Variants in RELN observed in about 807,000 individuals in gnomAD.
RELN encodes reelin.
Under a neutral mutation model 427.6 loss-of-function variants are expected in RELN, and 108 were observed. The ratio of observed to expected loss-of-function variants is 0.25; its 90% CI spans 0.22 to 0.30. RELN has a LOEUF of 0.30. Among genes scored for constraint, RELN ranks in the 10% least tolerant of loss-of-function variants. The probability of loss-of-function intolerance (pLI) is 1.00; values close to 1 mark genes in which losing one functional copy is unlikely to be tolerated. For missense variants in RELN, 3,715 were observed against 4,302.8 expected, an observed-to-expected ratio of 0.86 and a Z score of 3.82; for synonymous variants, 1,524 against 1,513.4, an observed-to-expected ratio of 1.01 and a Z score of -0.16.
chr7:103,550,771 C>T lies in RELN; in HGVS notation c.6302+296G>A, dbSNP rs1369736609. Among the ~76,000 whole-genome samples the T allele has an allele frequency of 5.3e-5, 8 of 152,060 alleles. 1 individual carries two copies. The highest frequency in any genetic ancestry group is 2.6e-4 in the Admixed American group (4 of 15,246). ...GTCAGGTGGGAGTAGGCAGGAGGAA[C>T]GCGTGGAAAACCTTATTTTTGTTGT... On this transcript the variant is annotated intron_variant, in intron 41 of 64. Transcript: ENST00000428762.
chr7:103,474,577 A>G (rs1827966331), intron 64 of RELN, among the ~76,000 whole-genome samples: 1 of 152,208 alleles, frequency 6.6e-6, no homozygotes, highest in African/African-American at 2.4e-5. Context: ...AGCTGCTATA[A>G]GTACTAACTG....
chr7:103,586,460 T>C (rs2711870), intron 28 of RELN, among the ~76,000 whole-genome samples: 113,087 of 152,118 alleles, frequency 0.74, 42,359 homozygotes, highest in African/African-American at 0.83. Flanking sequence ...AATCATTCCT[T>C]CCAAGAACTG....
chr7:103,863,524 CTCACATCAGTTTTCTTAACCACATCT>C (rs1310358225), intron 2 of RELN, among the ~76,000 whole-genome samples: 9 of 152,072 alleles, frequency 5.9e-5, no homozygotes, highest in East Asian at 1.9e-4. Flanking sequence ...TTTAAACAGC[CTCACATCAGTTTTCTTAACCACATCT>C]TCACATCAGT....
chr7:103,851,317 G>C (rs973698940), intron 2 of RELN, among the ~76,000 whole-genome samples: 3 of 152,112 alleles, frequency 2.0e-5, no homozygotes, highest in Admixed American at 1.3e-4. Context: ...TGATACAATG[G>C]ACTTTGGGGA....
At position 103,611,784 on chromosome 7, in the gene RELN, G is replaced by A. The variant is rs767519770; in HGVS notation, c.2722C>T (p.Leu908Phe). The change falls in exon 21 of 65, where the codon CTT becomes TTT. Residue 908 changes from leucine to phenylalanine, a missense_variant. Around this residue, in one of 4 missense-constraint regions of RELN, gnomAD observed 2,208 missense variants for 2,361.7 expected, o/e 0.93. Transcript: ENST00000428762. ...TCCACATAGCGCATACTTGAGGCAA[G>A]TTTAGAATCTCCTGTAAAACTGAAA... is the stretch of plus-strand genomic sequence containing the variant. Reference protein sequence around the residue: ...WTLCFTGDSKLASSMRYVETQ... With the variant: ...WTLCFTGDSKFASSMRYVETQ... The A allele has an allele frequency of 2.5e-6, 4 of 1,613,486 alleles. No individual in the cohort carries two copies. The highest frequency in any genetic ancestry group is 3.3e-5 in the Admixed American group (2 of 59,980).
At chr7:103,976,819 G>A (rs1206205417) in intron 1 of RELN, among the ~76,000 whole-genome samples, 6 of 152,254 alleles carry the variant, frequency 3.9e-5, no homozygotes, top group South Asian at 2.1e-4. Flanking sequence ...CAATCAAGAG[G>A]TCGGGCAAAT....
intron 27 of RELN, 95 bp downstream of exon 27, chr7:103,593,587 T>A (rs1454949484): frequency 3.8e-6 from 4 of 1,065,444 alleles, no homozygotes; most frequent in South Asian, 1.3e-5. Flanking sequence ...TTTAATAGAA[T>A]ATGAAAAATT....
At chr7:103,982,071 C>T (rs568485370) in intron 1 of RELN, among the ~76,000 whole-genome samples, 2 of 152,204 alleles carry the variant, frequency 1.3e-5, no homozygotes, top group East Asian at 3.9e-4. Flanking sequence ...AAGGCTGCGG[C>T]ACGAGAATCG....
At chr7:103,826,730 A>T (rs923095080) in intron 3 of RELN, among the ~76,000 whole-genome samples, 1 of 152,096 alleles carries the variant, frequency 6.6e-6, no homozygotes, top group Non-Finnish European at 1.5e-5. Context: ...ATTTTAAAAA[A>T]TTTCTACTAG....
intron 2 of RELN, among the ~76,000 whole-genome samples, chr7:103,839,413 A>G (rs1041219416): frequency 6.6e-6 from 1 of 151,156 alleles, no homozygotes; most frequent in African/African-American, 2.4e-5. Context: ...TGCAACTATT[A>G]GAAATCCATT....
chr7:103,968,239 TTATGA>T lies in RELN; in HGVS notation c.226+20887_226+20891del, dbSNP rs1476860648. Among the ~76,000 whole-genome samples the T allele has an allele frequency of 1.3e-5, 2 of 152,036 alleles. No homozygotes were observed. The highest frequency in any genetic ancestry group is 2.4e-5 in the African/African-American group (1 of 41,438). On this transcript the variant is annotated intron_variant, in intron 1 of 64. Transcript: ENST00000428762. The surrounding 1 kb of genome is among the most constrained non-coding windows in gnomAD (Gnocchi z 4.3). ...ATATATTGGGAGGCTAAACATTACT[TTATGA>T]TATATTATATACAATCTTCACACAA... is the stretch of plus-strand genomic sequence containing the variant.
chr7:103,841,193 C>G lies in RELN; in HGVS notation c.338-7521G>C, dbSNP rs116292178. Among the ~76,000 whole-genome samples, 853 of 152,236 alleles carry G rather than the reference C, an allele frequency of 5.6e-3. 12 individuals are homozygous for G. Among genetic ancestry groups the G allele is most frequent in the African/African-American group, 0.02 (822 of 41,550 alleles). ...AACTTTTTTGAGTAAGACTTTAAAGCATCCATTGTTACAAAATGTTTTTCT... is the reference window on the plus strand; with the variant it reads ...AACTTTTTTGAGTAAGACTTTAAAGGATCCATTGTTACAAAATGTTTTTCT... On this transcript the variant is annotated intron_variant, in intron 2 of 64. Coordinates refer to ENST00000428762, the MANE Select transcript of RELN (RefSeq NM_005045.4).
intron 4 of RELN, among the ~76,000 whole-genome samples, chr7:103,770,641 AT>A (rs201761464): frequency 0.055 from 6,760 of 122,748 alleles, 215 homozygotes; most frequent in Non-Finnish European, 0.072. Flanking sequence ...CTCTTTCCTT[AT>A]TTTTTTTAAA....
At position 103,968,225 on chromosome 7, in the gene RELN, G is replaced by T. The variant is rs897682428; in HGVS notation, c.226+20906C>A. On this transcript the variant is annotated intron_variant, in intron 1 of 64. Transcript: ENST00000428762. The surrounding 1 kb of genome is among the most constrained non-coding windows in gnomAD (Gnocchi z 4.3). ...CCCAAACAAGAAAAATATATTGGGAGGCTAAACATTACTTTATGATATATT... is the reference window on the plus strand; with the variant it reads ...CCCAAACAAGAAAAATATATTGGGATGCTAAACATTACTTTATGATATATT... Among the ~76,000 whole-genome samples the T allele has an allele frequency of 2.0e-5, 3 of 152,036 alleles. No homozygotes were observed. Among genetic ancestry groups the T allele is most frequent in the East Asian group, 1.9e-4 (1 of 5,184 alleles).
At position 103,540,357 on chromosome 7, in the gene RELN, G is replaced by C. The variant is rs773832988; in HGVS notation, c.6770C>G (p.Ser2257Trp). The C allele has an allele frequency of 6.2e-7, 1 of 1,614,096 alleles. No individual in the cohort carries two copies. The highest frequency in any genetic ancestry group is 1.7e-5 in the Admixed American group (1 of 60,010). Residue 2257 changes from serine (S) to tryptophan (W), a missense_variant, in exon 44 of 65, where the codon TCG (serine) becomes TGG (tryptophan). Ser to Trp is a radical substitution (Grantham distance 177). Coordinates refer to ENST00000428762, the MANE Select transcript of RELN (RefSeq NM_005045.4). ...AAGGAACTCCTGAAGAAGACTCCAC[G>C]AGAGGCCACCGTTGAGAGAATACTG... Reference protein sequence around the residue: ...LLQYSLNGGLSWSLLQEFLFS... With the variant: ...LLQYSLNGGLWWSLLQEFLFS...
intron 16 of RELN, among the ~76,000 whole-genome samples, chr7:103,648,943 C>T (rs1193996301): frequency 6.6e-6 from 1 of 151,910 alleles, no homozygotes; most frequent in African/African-American, 2.4e-5. Context: ...ATAACAGATA[C>T]TGGTGAGGAC....
At chr7:103,732,439 T>C (rs139654719) in intron 6 of RELN, among the ~76,000 whole-genome samples, 106 of 152,248 alleles carry the variant, frequency 7.0e-4, no homozygotes, top group Non-Finnish European at 1.3e-3. Flanking sequence ...ATCTTCCTAA[T>C]ATTTTTTTCT....
intron 24 of RELN, among the ~76,000 whole-genome samples, chr7:103,601,698 T>A (rs1831672323): frequency 6.6e-6 from 1 of 152,124 alleles, no homozygotes. Context: ...CTTTCAAGAC[T>A]ATATAAGGAG....
chr7:103,539,055 C>T, intron 45 of RELN, 23 bp downstream of exon 45: 9 of 1,613,384 alleles, frequency 5.6e-6, no homozygotes, highest in Non-Finnish European at 6.8e-6. Context: ...GCCTGTCCCT[C>T]TATCTGGAGA....
Sources: allele counts gnomAD v4.1 joint callset (sites outside exome capture counted in the v4.1 genomes callset), GRCh38; gene constraint gnomAD v4.1.1; regional missense constraint gnomAD v4.1.1; non-coding constraint Gnocchi (gnomAD v3.1); transcripts MANE v1.5; gene names NCBI Gene and HGNC (gene_info 2026-07-23, HGNC 2026-07-21).